The following RNLS variants were observed in gnomAD, a reference collection of about 807,000 sequenced individuals.
The protein encoded by RNLS is renalase.
Under a neutral mutation model 39.8 loss-of-function variants are expected in RNLS, and 39 were observed. That is an observed-to-expected ratio of 0.98 (90% CI 0.76 to 1.28). The LOEUF (loss-of-function observed/expected upper bound fraction) is 1.28, where lower values mean the gene tolerates loss of function less well. Ranked by LOEUF, RNLS falls within the 50% of genes most tolerant of loss-of-function variation. The pLI is 0.00. For missense variants in RNLS, 410 were observed against 413.3 expected, an observed-to-expected ratio of 0.99 and a Z score of 0.07; for synonymous variants, 147 against 150.7, an observed-to-expected ratio of 0.98 and a Z score of 0.18.
intron 4 of RNLS, among the ~76,000 whole-genome samples, chr10:88,565,542 G>A (rs990066151): frequency 1.3e-4 from 20 of 151,864 alleles, no homozygotes; most frequent in Non-Finnish European, 2.6e-4. Flanking sequence ...ATTTCCATGG[G>A]GGTCCAATTC....
At chr10:88,525,167 A>G (rs559256279) in intron 4 of RNLS, among the ~76,000 whole-genome samples, 1 of 151,560 alleles carries the variant, frequency 6.6e-6, no homozygotes, top group Admixed American at 6.6e-5. Context: ...CAAACATTTA[A>G]TACCATAATT....
At chr10:88,221,075 G>A in the RNLS span, among the ~76,000 whole-genome samples, 2 of 152,136 alleles carry the variant, frequency 1.3e-5, no homozygotes, top group Admixed American at 6.5e-5. Context: ...CCTTCAGACC[G>A]GGAAGCTTTG....
intron 5 of RNLS, among the ~76,000 whole-genome samples, chr10:88,327,096 G>A (rs539015501): frequency 1.3e-5 from 2 of 152,138 alleles, no homozygotes; most frequent in Non-Finnish European, 2.9e-5. Context: ...TTACAGGCTC[G>A]TAGGTGGAAG....
intron 4 of RNLS, among the ~76,000 whole-genome samples, chr10:88,365,966 A>G (rs1311139098): frequency 6.6e-6 from 1 of 152,140 alleles, no homozygotes; most frequent in Non-Finnish European, 1.5e-5. Context: ...TTTGGTGACA[A>G]TCAAATCAAT....
At chr10:88,460,412 A>C (rs949665559) in intron 4 of RNLS, among the ~76,000 whole-genome samples, 1 of 152,076 alleles carries the variant, frequency 6.6e-6, no homozygotes, top group Non-Finnish European at 1.5e-5. Context: ...TTTAGTTCTC[A>C]GCTTAAATGA....
chr10:88,371,176 A>G (rs1399949714), intron 4 of RNLS, among the ~76,000 whole-genome samples: 5 of 151,824 alleles, frequency 3.3e-5, no homozygotes, highest in Non-Finnish European at 7.4e-5. Flanking sequence ...TGCCTTAAAG[A>G]TTGTTAAAAA....
chr10:88,310,619 C>A (rs1053581307), intron 6 of RNLS, among the ~76,000 whole-genome samples: 1 of 151,402 alleles, frequency 6.6e-6, no homozygotes, highest in Admixed American at 6.6e-5. Flanking sequence ...AGCAAGACCC[C>A]GTGACTACAA....
At chr10:88,448,433 A>G (rs560820236) in intron 4 of RNLS, among the ~76,000 whole-genome samples, 11 of 152,330 alleles carry the variant, frequency 7.2e-5, no homozygotes, top group African/African-American at 2.4e-4. Flanking sequence ...AGAAATGCAA[A>G]TCAAAACCAC....
intron 4 of RNLS, among the ~76,000 whole-genome samples, chr10:88,501,050 C>T (rs1309270011): frequency 6.6e-6 from 1 of 151,340 alleles, no homozygotes; most frequent in African/African-American, 2.4e-5. Context: ...TATATGTACA[C>T]TAAACACCAT....
the RNLS span, among the ~76,000 whole-genome samples, chr10:88,174,283 A>G: frequency 6.6e-6 from 1 of 151,862 alleles, no homozygotes; most frequent in African/African-American, 2.4e-5. Context: ...AACTTCCAGT[A>G]CTGTGTTGGA....
At chr10:88,428,118 ATCT>A (rs1175203726) in intron 4 of RNLS, among the ~76,000 whole-genome samples, 1 of 151,984 alleles carries the variant, frequency 6.6e-6, no homozygotes, top group East Asian at 1.9e-4. Context: ...TGGACAAAAG[ATCT>A]GTATGTTAGC....
At chr10:88,200,148 T>C in the RNLS span, among the ~76,000 whole-genome samples, 3 of 152,134 alleles carry the variant, frequency 2.0e-5, no homozygotes, top group African/African-American at 7.2e-5. Flanking sequence ...ATAAGTAAAC[T>C]CTTCCCTTCC....
chr10:88,416,363 C>A (rs1052198437), intron 4 of RNLS, among the ~76,000 whole-genome samples: 8 of 151,942 alleles, frequency 5.3e-5, no homozygotes, highest in Non-Finnish European at 4.4e-5. Flanking sequence ...AAGCGATTCT[C>A]CTGCCTTAGC....
the RNLS span, among the ~76,000 whole-genome samples, chr10:88,207,168 A>G: frequency 6.6e-6 from 1 of 152,184 alleles, no homozygotes; most frequent in Non-Finnish European, 1.5e-5. Flanking sequence ...GTGAAAGAGA[A>G]ACGAAGATAA....
At chr10:88,578,632 T>G (rs1047024901) in intron 3 of RNLS, among the ~76,000 whole-genome samples, 2 of 152,120 alleles carry the variant, frequency 1.3e-5, no homozygotes, top group Non-Finnish European at 2.9e-5. Flanking sequence ...GACCATGAAC[T>G]TGATATAAAA....
chr10:88,336,295 T>G (rs1847488407), intron 5 of RNLS, among the ~76,000 whole-genome samples: 1 of 152,250 alleles, frequency 6.6e-6, no homozygotes, highest in South Asian at 2.1e-4. Context: ...GATCTGTGGA[T>G]GTATGCATTT....
Position 88,538,217 on chromosome 10 carries a change from T to C in RNLS, c.526+34686A>G, listed in dbSNP as rs547478919. On this transcript the variant is annotated intron_variant, in intron 4 of 6. Transcript: ENST00000331772. ...GAGATTAACCTGTGACTCCCACAAATACATGAAAGTGTCTGGCATGCACAT... is the reference window on the plus strand; with the variant it reads ...GAGATTAACCTGTGACTCCCACAAACACATGAAAGTGTCTGGCATGCACAT... Among the ~76,000 whole-genome samples, 3 of 152,272 alleles carry C rather than the reference T, an allele frequency of 2.0e-5. No individual in the cohort carries two copies. The East Asian group carries it at 5.8e-4, about 29-fold the overall frequency.
rs1357122933 is a variant in RNLS, at chr10:88,447,762, A to G, written c.527-85037T>C. ...ATGCTACCTGACTTCAAACTAAACTACAAGGCTACAGTAACCAAAACAGCA... is the reference window on the plus strand; with the variant it reads ...ATGCTACCTGACTTCAAACTAAACTGCAAGGCTACAGTAACCAAAACAGCA... On this transcript the variant is annotated intron_variant, in intron 4 of 6. Transcript: ENST00000331772. 2.0e-5 allele frequency among the ~76,000 whole-genome samples: 3 copies of G among 152,198 alleles called. No homozygotes were observed. In the East Asian group the frequency reaches 5.8e-4, roughly 29 times the overall value.
chr10:88,569,964 CA>C, intron 4 of RNLS, among the ~76,000 whole-genome samples: 1 of 152,082 alleles, frequency 6.6e-6, no homozygotes, highest in East Asian at 1.9e-4. Context: ...AATTTTACCA[CA>C]AAGAAAACTC....
Sources: gnomAD v4.1 joint callset for allele counts (sites outside exome capture counted in the v4.1 genomes callset) on GRCh38, gnomAD v4.1.1 for gene constraint, MANE v1.5 for transcripts, NCBI Gene and HGNC (gene_info 2026-07-23, HGNC 2026-07-21) for gene names.